NFIA: variants seen among roughly 807,000 people sequenced by gnomAD.
NFIA encodes nuclear factor 1 A-type.
NFIA carries 8 observed loss-of-function variants against 62.8 expected under a neutral mutation model. The observed-to-expected ratio is 0.13, with a 90% confidence interval of 0.07 to 0.23. The LOEUF is 0.23. NFIA is among the 10% of genes least tolerant of loss of function. The pLI is 1.00. For synonymous variants in NFIA, 235 were observed against 238.1 expected (o/e 0.99, Z 0.12); for missense variants, 410 against 642.1 (o/e 0.64, Z 3.91).
upstream of NFIA, among the ~76,000 whole-genome samples, chr1:61,078,236 A>G (rs1028812498): frequency 1.3e-5 from 2 of 152,008 alleles, no homozygotes; most frequent in Admixed American, 1.3e-4. Flanking sequence ...TTTAGCAAGC[A>G]CAATAGGAAA....
chr1:61,088,779 C>T lies in NFIA; in HGVS notation c.559+99C>T. 2 of 1,359,568 alleles carry T rather than the reference C, an allele frequency of 1.5e-6. No individual in the cohort carries two copies. The highest frequency in any genetic ancestry group is 2.3e-5 in the East Asian group (1 of 43,364). 84.2% of individuals were successfully genotyped at this position (1,359,568 alleles called of 1,614,324 possible). A position where few individuals can be genotyped will look rare whatever the true frequency, so the allele number is the denominator to read the frequency against. On this transcript the variant is annotated intron_variant, in intron 2 of 10. Transcript: ENST00000403491. The surrounding 1 kb of genome is among the most constrained non-coding windows in gnomAD (Gnocchi z 4.5). The stretch of plus-strand genomic sequence containing the variant: ...GATTCTTCCTGAGCTCCCCAAGTTG[C>T]AGGCCACGTACATGAAGCCAGTGTG...
At chr1:61,272,453 T>C (rs1657569291) in intron 2 of NFIA, among the ~76,000 whole-genome samples, 2 of 152,316 alleles carry the variant, frequency 1.3e-5, no homozygotes, top group African/African-American at 4.8e-5. Flanking sequence ...ATTTTCTGGA[T>C]TTCGTTAATG....
intron 4 of NFIA, among the ~76,000 whole-genome samples, chr1:61,345,685 C>T (rs987375130): frequency 2.6e-5 from 4 of 152,084 alleles, no homozygotes; most frequent in South Asian, 4.1e-4. Flanking sequence ...ACTGCACGTG[C>T]GAAGGACCTG....
intron 2 of NFIA, among the ~76,000 whole-genome samples, chr1:61,102,619 T>A (rs995684928): frequency 1.3e-5 from 2 of 152,196 alleles, no homozygotes; most frequent in Non-Finnish European, 2.9e-5. Flanking sequence ...AACACATTAA[T>A]GATAAATAGC....
chr1:61,144,977 T>C (rs544805647), intron 2 of NFIA, among the ~76,000 whole-genome samples: 1 of 152,338 alleles, frequency 6.6e-6, no homozygotes, highest in East Asian at 1.9e-4. Flanking sequence ...CCACTGCTTT[T>C]ACTTCATCCT....
chr1:61,349,202 C>G (rs145095503), intron 4 of NFIA, among the ~76,000 whole-genome samples: 147 of 152,090 alleles, frequency 9.7e-4, no homozygotes, highest in Middle Eastern at 6.8e-3. Flanking sequence ...TAATTAGAAC[C>G]CTGTTTACAC....
At chr1:61,086,237 T>A (rs1194920537) in intron 1 of NFIA, among the ~76,000 whole-genome samples, 1 of 152,066 alleles carries the variant, frequency 6.6e-6, no homozygotes, top group Non-Finnish European at 1.5e-5. Flanking sequence ...AGAAAATCAG[T>A]CAATGTGAAG....
At chr1:61,374,775 G>C (rs188027944) in intron 6 of NFIA, among the ~76,000 whole-genome samples, 5 of 152,130 alleles carry the variant, frequency 3.3e-5, no homozygotes, top group Admixed American at 3.3e-4. Flanking sequence ...GCTACATATA[G>C]AGTAAGAAGG....
chr1:61,184,115 GAA>G (rs1553158985), intron 2 of NFIA, among the ~76,000 whole-genome samples: 8 of 69,600 alleles, frequency 1.1e-4, no homozygotes, highest in Admixed American at 3.3e-4. Context: ...ATGGGGGGGG[GAA>G]AAAAAACCAA....
At chr1:61,318,066 G>A (rs1050603428) in intron 3 of NFIA, among the ~76,000 whole-genome samples, 2 of 152,006 alleles carry the variant, frequency 1.3e-5, no homozygotes. Context: ...TTGCCATATA[G>A]ATCCCTTTAC....
chr1:61,216,691 G>C (rs555924056), intron 2 of NFIA, among the ~76,000 whole-genome samples: 16 of 152,288 alleles, frequency 1.1e-4, no homozygotes, highest in African/African-American at 3.8e-4. Flanking sequence ...AACTGTCTGT[G>C]TATGTATGCT....
chr1:61,136,422 AC>A (rs1258765101), intron 2 of NFIA, among the ~76,000 whole-genome samples: 1 of 152,204 alleles, frequency 6.6e-6, no homozygotes, highest in Non-Finnish European at 1.5e-5. Flanking sequence ...ATTTAATTAG[AC>A]AAATTATACG....
At chr1:61,148,521 A>T (rs139439408) in intron 2 of NFIA, among the ~76,000 whole-genome samples, 1 of 152,308 alleles carries the variant, frequency 6.6e-6, no homozygotes, top group East Asian at 1.9e-4. Flanking sequence ...CTCTATGATA[A>T]CATATCTCTT....
chr1:61,245,445 GA>G (rs1033862494), intron 2 of NFIA, among the ~76,000 whole-genome samples: 1 of 151,990 alleles, frequency 6.6e-6, no homozygotes, highest in Admixed American at 6.5e-5. Flanking sequence ...TTCTTCAGGG[GA>G]AAAAATGTTA....
chr1:61,309,399 A>G (rs578219484), intron 3 of NFIA, among the ~76,000 whole-genome samples: 2 of 152,166 alleles, frequency 1.3e-5, no homozygotes, highest in East Asian at 3.9e-4. Flanking sequence ...TTTTCCTTAC[A>G]TAAGTCTTTT....
At chr1:61,429,864 T>C (rs1667027599) in intron 10 of NFIA, among the ~76,000 whole-genome samples, 1 of 151,822 alleles carries the variant, frequency 6.6e-6, no homozygotes, top group African/African-American at 2.4e-5. Flanking sequence ...GTACCTAGAG[T>C]AGTCAAATTC....
intron 10 of NFIA, among the ~76,000 whole-genome samples, chr1:61,444,782 C>T (rs1667733646): frequency 1.3e-5 from 2 of 152,188 alleles, no homozygotes; most frequent in South Asian, 4.1e-4. Context: ...AACTTACCAC[C>T]ATTCTTGCAA....
intron 2 of NFIA, among the ~76,000 whole-genome samples, chr1:61,259,895 A>G (rs1656649910): frequency 6.6e-6 from 1 of 152,242 alleles, no homozygotes; most frequent in Non-Finnish European, 1.5e-5. Context: ...TGAGAAGAGT[A>G]GAATGGGTTT....
intron 9 of NFIA, among the ~76,000 whole-genome samples, chr1:61,420,095 T>C (rs1012938307): frequency 2.0e-5 from 3 of 152,220 alleles, no homozygotes; most frequent in African/African-American, 4.8e-5. Flanking sequence ...TATTGGATCA[T>C]GTGTAAGTAA....
Sources: gnomAD v4.1 joint callset for allele counts (sites outside exome capture counted in the v4.1 genomes callset) on GRCh38, gnomAD v4.1.1 for gene constraint, Gnocchi (gnomAD v3.1) non-coding constraint, MANE v1.5 for transcripts, NCBI Gene and HGNC (gene_info 2026-07-23, HGNC 2026-07-21) for gene names.